Variants in PDE7B observed in about 807,000 individuals in gnomAD.
PDE7B encodes phosphodiesterase 7B.
Under a neutral mutation model 56.2 loss-of-function variants are expected in PDE7B, and 29 were observed. The observed-to-expected ratio is 0.52, with a 90% CI of 0.38 to 0.70. The LOEUF is 0.70. PDE7B is among the 30% of genes least tolerant of loss of function. The probability of loss-of-function intolerance (pLI) is 0.00; values close to 1 mark genes in which losing one functional copy is unlikely to be tolerated. For missense variants in PDE7B, 490 were observed against 565.0 expected, an observed-to-expected ratio of 0.87 and a Z score of 1.35; for synonymous variants, 197 against 196.9, an observed-to-expected ratio of 1.00 and a Z score of 0.00.
At chr6:135,988,628 C>G (rs1012149060) in intron 2 of PDE7B, among the ~76,000 whole-genome samples, 5 of 152,100 alleles carry the variant, frequency 3.3e-5, no homozygotes, top group Admixed American at 3.3e-4. Context: ...AAAATATGTT[C>G]TTCTTCCTTA....
chr6:136,194,983 G>A lies in PDE7B; in HGVS notation c.*3143G>A, dbSNP rs909119633. 20 of 152,158 alleles carry A rather than the reference G, an allele frequency of 1.3e-4. No homozygotes were observed. The highest frequency in any genetic ancestry group is 4.6e-4 in the African/African-American group (19 of 41,422). 9.4% of individuals were successfully genotyped at this position (152,158 alleles called of 1,614,324 possible). On this transcript the variant is annotated 3_prime_UTR_variant, in exon 13 of 13. Coordinates refer to ENST00000308191, the MANE Select transcript of PDE7B (RefSeq NM_018945.4). The stretch of plus-strand genomic sequence containing the variant: ...CCTTGTCCATGGACCATCAATAGTT[G>A]ACTTGCCAGGTTTAATTCTTTCATT...
chr6:136,172,413 T>C (rs1778903464), intron 8 of PDE7B, among the ~76,000 whole-genome samples: 1 of 152,220 alleles, frequency 6.6e-6, no homozygotes, highest in Non-Finnish European at 1.5e-5. Flanking sequence ...TATTCATGTG[T>C]TTTTTGGCTG....
chr6:135,976,613 G>A (rs1299392130), intron 2 of PDE7B, among the ~76,000 whole-genome samples: 1 of 151,880 alleles, frequency 6.6e-6, no homozygotes, highest in African/African-American at 2.4e-5. Flanking sequence ...CACTTAAAAA[G>A]TAAAATGGGG....
At chr6:136,139,315 C>A (rs569162324) in intron 3 of PDE7B, among the ~76,000 whole-genome samples, 2 of 152,306 alleles carry the variant, frequency 1.3e-5, no homozygotes, top group East Asian at 3.9e-4. Context: ...CTTTTTATGG[C>A]TGCATAGTAT....
In PDE7B at chr6:135,986,038, T is replaced by A. The variant is rs969875055; in HGVS notation, c.82+38514T>A. 5.3e-5 allele frequency among the ~76,000 whole-genome samples: 8 copies of A among 152,284 alleles called. 1 individual carries two copies. In the East Asian group the frequency reaches 1.5e-3, roughly 29 times the overall value. On this transcript the variant is annotated intron_variant, in intron 2 of 12. Coordinates refer to ENST00000308191, the MANE Select transcript of PDE7B (RefSeq NM_018945.4). ...TCCAGCAGAGGTTCAGCCTGTGTTT[T>A]ATAGAAGGCACTCATATTGCTCACT... is the stretch of plus-strand genomic sequence containing the variant.
chr6:135,977,946 T>A (rs1775220299), intron 2 of PDE7B, among the ~76,000 whole-genome samples: 1 of 152,132 alleles, frequency 6.6e-6, no homozygotes, highest in South Asian at 2.1e-4. Context: ...AAGAAGTATA[T>A]ACATGTGTAT....
At chr6:135,875,403 C>T (rs1775473422) in intron 1 of PDE7B, among the ~76,000 whole-genome samples, 1 of 151,738 alleles carries the variant, frequency 6.6e-6, no homozygotes, top group African/African-American at 2.4e-5. Flanking sequence ...GCATTTTATA[C>T]TAGAATAAAA....
At chr6:135,878,411 A>G (rs1018294037) in intron 1 of PDE7B, among the ~76,000 whole-genome samples, 1 of 152,216 alleles carries the variant, frequency 6.6e-6, no homozygotes, top group Non-Finnish European at 1.5e-5. Flanking sequence ...ATGCCATCAC[A>G]ACTTGCCTTA....
intron 2 of PDE7B, among the ~76,000 whole-genome samples, chr6:136,066,649 T>G (rs1235295659): frequency 6.6e-6 from 1 of 152,172 alleles, no homozygotes; most frequent in Non-Finnish European, 1.5e-5. Context: ...TTAAAAAACC[T>G]TCAGGTATGC....
At chr6:136,105,840 C>A (rs558100977) in intron 2 of PDE7B, among the ~76,000 whole-genome samples, 1 of 152,138 alleles carries the variant, frequency 6.6e-6, no homozygotes, top group African/African-American at 2.4e-5. Context: ...TAAAACTTTA[C>A]GTAATAATGG....
chr6:136,029,523 T>C (rs898320528), intron 2 of PDE7B, among the ~76,000 whole-genome samples: 11 of 152,096 alleles, frequency 7.2e-5, no homozygotes, highest in African/African-American at 2.7e-4. Flanking sequence ...ATACAAGAAA[T>C]CTTATCAGCA....
At chr6:136,054,413 T>G (rs1251803376) in intron 2 of PDE7B, among the ~76,000 whole-genome samples, 2 of 152,304 alleles carry the variant, frequency 1.3e-5, no homozygotes, top group Non-Finnish European at 2.9e-5. Context: ...CATTGGTCTA[T>G]ATCTCTGTTT....
chr6:136,001,485 C>G (rs537365059), intron 2 of PDE7B, among the ~76,000 whole-genome samples: 90 of 152,106 alleles, frequency 5.9e-4, no homozygotes, highest in African/African-American at 2.0e-3. Flanking sequence ...CTAGAATAAC[C>G]AATACAGAGA....
chr6:136,188,044 T>C (rs1779168263), intron 12 of PDE7B, among the ~76,000 whole-genome samples: 1 of 152,172 alleles, frequency 6.6e-6, no homozygotes, highest in African/African-American at 2.4e-5. Context: ...GTTTAATGCT[T>C]TGACATTGGT....
At chr6:136,160,853 G>A (rs533558399) in intron 8 of PDE7B, among the ~76,000 whole-genome samples, 9 of 152,144 alleles carry the variant, frequency 5.9e-5, no homozygotes, top group South Asian at 4.1e-4. Context: ...AGATACATAC[G>A]GAGTGCTGAA....
At chr6:135,944,270 C>T (rs1408975908) in intron 1 of PDE7B, among the ~76,000 whole-genome samples, 1 of 152,118 alleles carries the variant, frequency 6.6e-6, no homozygotes, top group Non-Finnish European at 1.5e-5. Context: ...TTTTCTGAAA[C>T]GTAGACCCTG....
At chr6:135,865,807 A>G (rs1775247538) in intron 1 of PDE7B, among the ~76,000 whole-genome samples, 1 of 152,194 alleles carries the variant, frequency 6.6e-6, no homozygotes, top group Admixed American at 6.5e-5. Context: ...ATTAATATAT[A>G]TGAGGTGATT....
chr6:136,116,222 G>C (rs1398095080), intron 3 of PDE7B, among the ~76,000 whole-genome samples: 1 of 152,218 alleles, frequency 6.6e-6, no homozygotes, highest in African/African-American at 2.4e-5. Flanking sequence ...TTGCCTATAA[G>C]GGAGACTGAC....
At chr6:136,049,700 C>T (rs949010312) in intron 2 of PDE7B, among the ~76,000 whole-genome samples, 3 of 152,004 alleles carry the variant, frequency 2.0e-5, no homozygotes, top group Admixed American at 2.0e-4. Flanking sequence ...AACATAGGTA[C>T]AAGGCAAAGA....
Sources: gnomAD v4.1 joint callset for allele counts (sites outside exome capture counted in the v4.1 genomes callset) on GRCh38, gnomAD v4.1.1 for gene constraint, MANE v1.5 for transcripts, NCBI Gene and HGNC (gene_info 2026-07-23, HGNC 2026-07-21) for gene names.